Variants in CCNK observed in about 807,000 individuals in gnomAD.
CCNK encodes cyclin K, also known as cyclin-K.
A neutral mutation model predicts 65.0 loss-of-function variants in CCNK; 9 were observed. That is an observed-to-expected ratio of 0.14 (90% CI 0.08 to 0.24). The LOEUF (loss-of-function observed/expected upper bound fraction) is 0.24. Ranked by LOEUF, CCNK falls within the 10% of genes least tolerant of loss-of-function variation. The pLI, the probability that CCNK is intolerant of heterozygous loss-of-function variation, is 1.00. For missense variants in CCNK, 474 were observed against 720.0 expected, an observed-to-expected ratio of 0.66 and a Z score of 3.91; for synonymous variants, 279 against 270.8, an observed-to-expected ratio of 1.03 and a Z score of -0.30.
In CCNK at chr14:99,500,804, C is replaced by A. The variant is rs1896804825; in HGVS notation, c.450C>A (p.Thr150=). Residue 150 remains threonine (T), a synonymous_variant, in exon 5 of 11, where the codon ACC becomes ACA. Coordinates refer to ENST00000389879, the MANE Select transcript of CCNK (RefSeq NM_001099402.2). ...VMVLERILLQ[T]IKFDLQVEHP... The stretch of plus-strand genomic sequence containing the variant: ...TTCTGGAGAGAATCTTACTGCAGAC[C>A]ATCAAGTTTGATTTACAGGTAGAAC... The A allele has an allele frequency of 6.4e-7, 1 of 1,567,362 alleles. No individual in the cohort carries two copies.
At position 99,502,776 on chromosome 14, in the gene CCNK, A is replaced by G. The variant is rs1896866450; in HGVS notation, c.803A>G (p.His268Arg). The change falls in exon 8 of 11, where the codon CAC becomes CGC. Residue 268 changes from histidine (H) to arginine (R), a missense_variant. Around this residue, in one of 6 missense-constraint regions of CCNK, gnomAD observed 67 missense variants for 150.2 expected, o/e 0.45. Coordinates refer to ENST00000389879, the MANE Select transcript of CCNK (RefSeq NM_001099402.2). ...YSQGKQQMPHHTPHQLQQPPS... is the reference protein window; with the variant it reads ...YSQGKQQMPHRTPHQLQQPPS... Reference sequence around the variant, plus strand: ...CAAGGAAAACAACAGATGCCTCATCACACCCCCCATCAGCTGCAACAGCCC... The same window carrying G: ...CAAGGAAAACAACAGATGCCTCATCGCACCCCCCATCAGCTGCAACAGCCC... 1.2e-6 allele frequency: 2 copies of G among 1,613,720 alleles called. No homozygotes were observed. Among genetic ancestry groups the G allele is most frequent in the Non-Finnish European group, 1.7e-6 (2 of 1,179,782 alleles).
At chr14:99,502,510 A>G in intron 7 of CCNK, 134 bp downstream of exon 7, 3 of 1,378,064 alleles carry the variant, frequency 2.2e-6, no homozygotes, top group Non-Finnish European at 2.9e-6. Flanking sequence ...TCATTAATTA[A>G]ATTATCTAAT....
intron 10 of CCNK, 91 bp downstream of exon 10, chr14:99,507,238 T>C: frequency 1.2e-6 from 1 of 822,614 alleles, no homozygotes; most frequent in South Asian, 1.3e-5. Context: ...AAAGGGAGAC[T>C]GGGGCCCAGA....
intron 5 of CCNK, 83 bp downstream of exon 5, chr14:99,500,954 A>G (rs1896808927): frequency 2.3e-6 from 2 of 878,284 alleles, no homozygotes; most frequent in East Asian, 2.7e-5. Context: ...ACGCTTCTCA[A>G]AAGCGGAAAA....
intron 10 of CCNK, chr14:99,509,270 T>A (rs1248801016): frequency 6.6e-6 from 1 of 152,330 alleles, no homozygotes; most frequent in Non-Finnish European, 1.5e-5. Flanking sequence ...GAAAGGACAC[T>A]CATTCTGTGT....
At chr14:99,500,936 C>A in intron 5 of CCNK, 65 bp downstream of exon 5, 1 of 981,254 alleles carries the variant, frequency 1.0e-6, no homozygotes, top group Non-Finnish European at 1.5e-6. Flanking sequence ...TTTGATGACA[C>A]TCAAATTACG....
intron 9 of CCNK, chr14:99,504,631 G>T (rs1896928346): frequency 6.6e-6 from 1 of 152,056 alleles, no homozygotes. Context: ...TGTATTTTTA[G>T]TAGAGACAGG....
At chr14:99,503,128 G>T in intron 8 of CCNK, 144 bp downstream of exon 8, 1 of 951,566 alleles carries the variant, frequency 1.1e-6, no homozygotes, top group South Asian at 1.3e-5. Context: ...CTGCTTGTCG[G>T]TGGGGAGCCT....
At chr14:99,493,397 AT>A in intron 2 of CCNK, 116 bp from the exon 3 acceptor site, 3 of 589,172 alleles carry the variant, frequency 5.1e-6, no homozygotes, top group Non-Finnish European at 5.9e-6. Flanking sequence ...TTTGCCACTA[AT>A]ATTGTTTACT....
intron 10 of CCNK, chr14:99,508,048 C>T (rs1175212017): frequency 6.6e-6 from 1 of 152,250 alleles, no homozygotes. Flanking sequence ...GCAGCTCCTC[C>T]AGCCTGCTAC....
At chr14:99,481,622 T>C (rs1896324940) in intron 1 of CCNK, 143 bp downstream of exon 1, 2 of 391,208 alleles carry the variant, frequency 5.1e-6, no homozygotes, top group Non-Finnish European at 9.0e-6. Flanking sequence ...CCGGTACACA[T>C]TGAACTTTGC....
At chr14:99,495,029 A>G (rs1402325195) in intron 3 of CCNK, 3 of 153,186 alleles carry the variant, frequency 2.0e-5, no homozygotes, top group African/African-American at 7.2e-5. Context: ...CATTCAGACC[A>G]TAGCAGAAAG....
At chr14:99,502,118 T>A (rs1896845457) in intron 6 of CCNK, 89 bp from the exon 7 acceptor site, 42 of 1,362,372 alleles carry the variant, frequency 3.1e-5, no homozygotes, top group Non-Finnish European at 4.0e-5. Context: ...AATAAGCAAA[T>A]TAATGGTTAG....
In CCNK at chr14:99,510,336, T is replaced by G. The variant is rs1261390147; in HGVS notation, c.1297T>G (p.Ser433Ala). The G allele has an allele frequency of 8.7e-7, 1 of 1,143,882 alleles. No homozygotes were observed. The allele number at this position is 1,143,882 out of a possible 1,614,324, so 70.9% of individuals were successfully genotyped here. A position where few individuals can be genotyped will look rare whatever the true frequency, so the allele number is the denominator to read the frequency against. ...PPPSSYMTGM[S>A]TTSSYMSGEG... ...CCCCTCCAGCTACATGACCGGGATGTCCACCACCAGCTCCTACATGTCTGG... is the reference window on the plus strand; with the variant it reads ...CCCCTCCAGCTACATGACCGGGATGGCCACCACCAGCTCCTACATGTCTGG... Residue 433 changes from serine (S) to alanine (A), a missense_variant, in exon 11 of 11, where the codon TCC (serine) becomes GCC (alanine). Ser to Ala is a moderately conservative substitution (Grantham distance 99, BLOSUM62 1). Around this residue, in one of 6 missense-constraint regions of CCNK, gnomAD observed 229 missense variants for 275.5 expected, o/e 0.83. Coordinates refer to ENST00000389879, the MANE Select transcript of CCNK (RefSeq NM_001099402.2).
intron 6 of CCNK, 26 bp from the exon 7 acceptor site, chr14:99,502,178 TCTA>T: frequency 6.5e-7 from 1 of 1,547,688 alleles, no homozygotes; most frequent in Non-Finnish European, 8.7e-7. Context: ...GATCATATTA[TCTA>T]ACCTTTTTTT....
intron 1 of CCNK, among the ~76,000 whole-genome samples, chr14:99,482,061 G>T (rs1896348512): frequency 6.6e-6 from 1 of 152,192 alleles, no homozygotes; most frequent in Non-Finnish European, 1.5e-5. Flanking sequence ...GAGAGAAATT[G>T]TTCTTTAGAA....
rs1896865492 is a variant in CCNK, at chr14:99,502,713, A to G, written c.746-6A>G. ...GTGTAAAATGTAATTGTTGGCTATC[A>G]TTTAGACATCTGCCACCAAATCCTG... On this transcript the variant is annotated splice_polypyrimidine_tract_variant and splice_region_variant and intron_variant, in intron 7 of 10. Coordinates refer to ENST00000389879, the MANE Select transcript of CCNK (RefSeq NM_001099402.2). 1 of 1,611,214 alleles carries G rather than the reference A, an allele frequency of 6.2e-7. No homozygotes were observed. Among genetic ancestry groups the G allele is most frequent in the Admixed American group, 1.7e-5 (1 of 59,984 alleles).
In CCNK at chr14:99,495,556, G is replaced by A; in HGVS notation, c.338G>A (p.Cys113Tyr). ...AAAGTAGAAGAAACACCAAAAAAAT[G>A]TAAAGATATCATCAAAACAGCTCGT... Reference protein sequence around the residue: ...AGKVEETPKKCKDIIKTARSL... With the variant: ...AGKVEETPKKYKDIIKTARSL... The change falls in exon 4 of 11, where the codon TGT (cysteine) becomes TAT (tyrosine). Residue 113 changes from cysteine (C) to tyrosine (Y), a missense_variant. By Grantham distance (194) the Cys-to-Tyr change is radical. Transcript: ENST00000389879. The A allele has an allele frequency of 6.2e-7, 1 of 1,613,448 alleles. No individual in the cohort carries two copies. Among genetic ancestry groups the A allele is most frequent in the Non-Finnish European group, 8.5e-7 (1 of 1,179,620 alleles).
chr14:99,492,569 T>G, intron 1 of CCNK, 57 bp from the exon 2 acceptor site: 1 of 881,876 alleles, frequency 1.1e-6, no homozygotes, highest in Non-Finnish European at 1.7e-6. Context: ...TCTATGATTC[T>G]AGATTGCTTA....
Sources: allele counts gnomAD v4.1 joint callset (sites outside exome capture counted in the v4.1 genomes callset), GRCh38; gene constraint gnomAD v4.1.1; regional missense constraint gnomAD v4.1.1; transcripts MANE v1.5; gene names NCBI Gene and HGNC (gene_info 2026-07-23, HGNC 2026-07-21).